The following SHISA9 variants were observed in gnomAD, a reference collection of about 807,000 sequenced individuals.
SHISA9 encodes the protein shisa family member 9, also known as protein shisa-9.
SHISA9 carries 13 observed loss-of-function variants against 38.0 expected under a neutral mutation model. The observed-to-expected ratio is 0.34, with a 90% CI of 0.22 to 0.54. The LOEUF is 0.54. SHISA9 is among the 20% of genes least tolerant of loss of function. The pLI is 0.91. For missense variants in SHISA9, 538 were observed against 575.8 expected, an observed-to-expected ratio of 0.93 and a Z score of 0.67; for synonymous variants, 275 against 242.0, an observed-to-expected ratio of 1.14 and a Z score of -1.27.
chr16:12,959,288 G>A (rs1239990311), intron 2 of SHISA9, among the ~76,000 whole-genome samples: 1 of 152,246 alleles, frequency 6.6e-6, no homozygotes, highest in East Asian at 1.9e-4. Flanking sequence ...AGCCTCTGCA[G>A]GGTGCTGGTT....
At chr16:13,347,340 G>A in the SHISA9 span, among the ~76,000 whole-genome samples, 3 of 152,104 alleles carry the variant, frequency 2.0e-5, no homozygotes, top group Non-Finnish European at 2.9e-5. Flanking sequence ...TGCATACCTC[G>A]TTTGGGCACT....
In SHISA9 at chr16:13,015,702, TACACCG is replaced by T. The variant is rs1274942334; in HGVS notation, c.691+98888_691+98893del. Among the ~76,000 whole-genome samples, 4 of 152,184 alleles carry T rather than the reference TACACCG, an allele frequency of 2.6e-5. No individual in the cohort carries two copies. The East Asian group carries it at 7.8e-4, about 30-fold the overall frequency. Reference sequence around the variant, plus strand: ...AGGGGACTGTTACCCTATGCGTAGATACACCGGTTCCCTACTGGAGATCAAAGGTTT... The same window carrying T: ...AGGGGACTGTTACCCTATGCGTAGATGTTCCCTACTGGAGATCAAAGGTTT... On this transcript the variant is annotated intron_variant, in intron 2 of 4. Coordinates refer to ENST00000558583, the MANE Select transcript of SHISA9 (RefSeq NM_001145204.3).
intron 2 of SHISA9, among the ~76,000 whole-genome samples, chr16:12,976,744 A>C (rs1372337812): frequency 6.6e-6 from 1 of 152,154 alleles, no homozygotes; most frequent in African/African-American, 2.4e-5. Context: ...TGACAGTGGC[A>C]GACAGCAAAA....
chr16:13,211,242 G>T (rs918751069), intron 3 of SHISA9, among the ~76,000 whole-genome samples: 11 of 151,744 alleles, frequency 7.2e-5, no homozygotes, highest in South Asian at 2.1e-4. Flanking sequence ...GGGGGTGGAG[G>T]TTCCAGTGAG....
intron 2 of SHISA9, among the ~76,000 whole-genome samples, chr16:13,049,956 A>T (rs1227079383): frequency 1.3e-5 from 2 of 152,146 alleles, no homozygotes; most frequent in Non-Finnish European, 2.9e-5. Context: ...GTCTTCAAGG[A>T]TAGAGGATAT....
chr16:12,987,008 A>C (rs982415188), intron 2 of SHISA9, among the ~76,000 whole-genome samples: 11 of 152,194 alleles, frequency 7.2e-5, no homozygotes, highest in African/African-American at 2.4e-4. Context: ...TCTCCACTGC[A>C]GAGGAGGACA....
At chr16:13,047,088 T>C (rs1433237483) in intron 2 of SHISA9, among the ~76,000 whole-genome samples, 1 of 152,192 alleles carries the variant, frequency 6.6e-6, no homozygotes, top group Admixed American at 6.5e-5. Flanking sequence ...TTTTCTAGAA[T>C]GATAAACCGA....
At chr16:13,481,043 A>T in the SHISA9 span, among the ~76,000 whole-genome samples, 1 of 152,160 alleles carries the variant, frequency 6.6e-6, no homozygotes, top group East Asian at 1.9e-4. Context: ...CACACACCCA[A>T]CCACAAAGCT....
the SHISA9 span, among the ~76,000 whole-genome samples, chr16:13,272,557 A>G: frequency 6.6e-6 from 1 of 152,124 alleles, no homozygotes; most frequent in Non-Finnish European, 1.5e-5. Context: ...AGTAAAATTG[A>G]TGAAGAGACC....
At chr16:13,016,565 T>C (rs2072759928) in intron 2 of SHISA9, among the ~76,000 whole-genome samples, 1 of 150,430 alleles carries the variant, frequency 6.6e-6, no homozygotes, top group African/African-American at 2.4e-5. Context: ...TAGTGGTTTT[T>C]TGTTGTTGTT....
At chr16:13,163,260 A>G (rs558564557) in intron 2 of SHISA9, among the ~76,000 whole-genome samples, 39 of 152,340 alleles carry the variant, frequency 2.6e-4, no homozygotes, top group African/African-American at 8.4e-4. Flanking sequence ...TGAGACCCCA[A>G]TGAGTCTCAA....
the SHISA9 span, among the ~76,000 whole-genome samples, chr16:13,472,412 G>T: frequency 1.7e-4 from 9 of 52,292 alleles, no homozygotes; most frequent in African/African-American, 5.5e-4. Flanking sequence ...TTTTTTTTGA[G>T]ACGGAGTCTT....
the SHISA9 span, among the ~76,000 whole-genome samples, chr16:13,545,066 C>A: frequency 2.6e-5 from 4 of 152,194 alleles, no homozygotes; most frequent in African/African-American, 9.6e-5. Flanking sequence ...AAAGGCCTAG[C>A]AAATATCAAA....
chr16:13,478,428 C>A, the SHISA9 span, among the ~76,000 whole-genome samples: 1 of 152,114 alleles, frequency 6.6e-6, no homozygotes, highest in African/African-American at 2.4e-5. Flanking sequence ...TAGGTCAAAT[C>A]CCTTTTGACC....
rs1382714062 is a variant in SHISA9 at position 13,076,179 on chromosome 16, C to T, written c.692-127215C>T. Among the ~76,000 whole-genome samples the T allele has an allele frequency of 6.6e-5, 10 of 152,060 alleles. No individual in the cohort carries two copies. The South Asian group carries it at 1.5e-3, about 22-fold the overall frequency. On this transcript the variant is annotated intron_variant, in intron 2 of 4. Coordinates refer to ENST00000558583, the MANE Select transcript of SHISA9 (RefSeq NM_001145204.3). ...CCAAGTAGCTGGGATTACATGCATG[C>T]GCCATCACACCTGGCTAAGTTTTGT...
the SHISA9 span, among the ~76,000 whole-genome samples, chr16:13,411,111 C>CG: frequency 3.3e-5 from 5 of 152,140 alleles, no homozygotes; most frequent in Non-Finnish European, 7.4e-5. Context: ...ATCCCATATC[C>CG]GTCCCTGATT....
the SHISA9 span, among the ~76,000 whole-genome samples, chr16:13,263,656 C>T: frequency 1.3e-5 from 2 of 152,172 alleles, no homozygotes; most frequent in African/African-American, 4.8e-5. Context: ...TCTGGCATTT[C>T]TTTATAGCAA....
At chr16:13,243,279 C>T (rs1005645531), downstream of SHISA9, among the ~76,000 whole-genome samples, 1 of 151,640 alleles carries the variant, frequency 6.6e-6, no homozygotes, top group African/African-American at 2.4e-5. Flanking sequence ...TTGCTAAGGT[C>T]GAGGACATGT....
At chr16:13,023,118 C>T (rs1567185505) in intron 2 of SHISA9, among the ~76,000 whole-genome samples, 1 of 152,162 alleles carries the variant, frequency 6.6e-6, no homozygotes, top group Non-Finnish European at 1.5e-5. Context: ...TTGCTGCACC[C>T]ATCAACTCAT....
Sources: allele counts gnomAD v4.1 joint callset (sites outside exome capture counted in the v4.1 genomes callset), GRCh38; gene constraint gnomAD v4.1.1; transcripts MANE v1.5; gene names NCBI Gene and HGNC (gene_info 2026-07-23, HGNC 2026-07-21).